PPARA: variants seen among roughly 807,000 people sequenced by gnomAD.
PPARA encodes peroxisome proliferator activated receptor alpha.
In PPARA, 22 loss-of-function variants were observed where a neutral mutation model predicts 42.2. The observed-to-expected ratio is 0.52, with a 90% CI of 0.37 to 0.74. The LOEUF (loss-of-function observed/expected upper bound fraction) is 0.74. Ranked by LOEUF, PPARA falls within the 30% of genes least tolerant of loss-of-function variation. The pLI is 0.00. For missense variants in PPARA, 465 were observed against 608.2 expected, an observed-to-expected ratio of 0.76 and a Z score of 2.48; for synonymous variants, 242 against 239.3, an observed-to-expected ratio of 1.01 and a Z score of -0.10.
chr22:46,181,101 G>T (rs1216443107), intron 3 of PPARA, among the ~76,000 whole-genome samples: 3 of 152,260 alleles, frequency 2.0e-5, no homozygotes, highest in African/African-American at 7.2e-5. Flanking sequence ...GTAGCTCACT[G>T]ATTCAGATGA....
At chr22:46,157,480 T>C (rs1276954770) in intron 2 of PPARA, among the ~76,000 whole-genome samples, 5 of 152,164 alleles carry the variant, frequency 3.3e-5, no homozygotes, top group Admixed American at 6.5e-5. Flanking sequence ...CCTCCAGATG[T>C]CCAATATGTA....
At position 46,231,930 on chromosome 22, in the gene PPARA, G is replaced by A. The variant is rs1329872038; in HGVS notation, c.850G>A (p.Val284Ile). ...HCCQCTSVETVTELTEFAKAI... is the reference protein window; with the variant it reads ...HCCQCTSVETITELTEFAKAI... ...CTGCCAGTGCACGTCAGTGGAGACC[G>A]TCACGGAGCTCACGGAATTCGCCAA... Residue 284 changes from valine (V) to isoleucine (I), a missense_variant, in exon 8 of 9, where the codon GTC becomes ATC. Transcript: ENST00000407236. The surrounding 1 kb of genome is among the most constrained non-coding windows in gnomAD (Gnocchi z 7.7). The A allele has an allele frequency of 6.8e-6, 11 of 1,614,138 alleles. No homozygotes were observed. Among genetic ancestry groups the A allele is most frequent in the East Asian group, 2.2e-5 (1 of 44,902 alleles).
chr22:46,162,031 G>T lies in PPARA; in HGVS notation c.-127+10061G>T, dbSNP rs991679082. 6.6e-6 allele frequency among the ~76,000 whole-genome samples: 1 copy of T among 152,032 alleles called. No individual in the cohort carries two copies. ...TCCCCTCACCCTGGCGACCCTTTTCGGTCTCAGTTGCCAGCCTCCTGCTAG... is the reference window on the plus strand; with the variant it reads ...TCCCCTCACCCTGGCGACCCTTTTCTGTCTCAGTTGCCAGCCTCCTGCTAG... On this transcript the variant is annotated intron_variant, in intron 2 of 8. Transcript: ENST00000407236. This position sits in a 1 kb window ranked among gnomAD's most constrained non-coding sequence, Gnocchi z 6.0.
At chr22:46,208,682 T>C (rs1361557600) in intron 4 of PPARA, among the ~76,000 whole-genome samples, 1 of 152,186 alleles carries the variant, frequency 6.6e-6, no homozygotes, top group Admixed American at 6.6e-5. Context: ...TTTTTCCTTT[T>C]GACCAACATC....
intron 2 of PPARA, among the ~76,000 whole-genome samples, chr22:46,175,525 A>G (rs1928902246): frequency 6.6e-6 from 1 of 151,886 alleles, no homozygotes; most frequent in Non-Finnish European, 1.5e-5. Flanking sequence ...CATCCTGGCT[A>G]ACATGGTGAA....
Position 46,215,294 on chromosome 22 carries a change from A to G in PPARA, c.330A>G (p.Ser110=), listed in dbSNP as rs767902143. ...IECRICGDKA[S]GYHYGVHACE... ...GTAGAATCTGCGGGGACAAGGCCTC[A>G]GGCTATCATTACGGAGTCCACGCGT... Residue 110 remains serine, a synonymous_variant, in exon 5 of 9, where the codon TCA becomes TCG. Coordinates refer to ENST00000407236, the MANE Select transcript of PPARA (RefSeq NM_005036.6). The G allele has an allele frequency of 3.1e-6, 5 of 1,614,174 alleles. No homozygotes were observed. In the South Asian group the frequency reaches 3.3e-5, roughly 11 times the overall value.
intron 4 of PPARA, among the ~76,000 whole-genome samples, chr22:46,213,365 G>A (rs145384651): frequency 1.3e-4 from 20 of 151,072 alleles, no homozygotes; most frequent in Non-Finnish European, 2.2e-4. Flanking sequence ...TTGCTGAAGT[G>A]ACTGTTCAGA....
In PPARA at chr22:46,198,458, A is replaced by G. The variant is rs1427293285; in HGVS notation, c.75A>G (p.Glu25=). The G allele has an allele frequency of 2.5e-6, 4 of 1,613,828 alleles. No individual in the cohort carries two copies. The highest frequency in any genetic ancestry group is 3.4e-6 in the Non-Finnish European group (4 of 1,179,920). Residue 25 remains glutamate (E), a synonymous_variant, in exon 4 of 9, where the codon GAA becomes GAG. Coordinates refer to ENST00000407236, the MANE Select transcript of PPARA (RefSeq NM_005036.6). ...GCGATCTAGAGAGCCCGTTATCTGA[A>G]GAGTTCCTGCAAGAAATGGGAAACA... The part of the protein sequence containing the change: ...EAGDLESPLS[E]EFLQEMGNIQ...
At position 46,180,606 on chromosome 22, in the gene PPARA, C is replaced by T. The variant is rs979084046; in HGVS notation, c.-43+3770C>T. Among the ~76,000 whole-genome samples, 3 of 151,638 alleles carry T rather than the reference C, an allele frequency of 2.0e-5. No homozygotes were observed. Among genetic ancestry groups the T allele is most frequent in the African/African-American group, 7.3e-5 (3 of 40,924 alleles). ...CAAGAATATCACAAGATGATAACGGCCTTTATTCTCACTTCTGTATGCCTG... is the reference window on the plus strand; with the variant it reads ...CAAGAATATCACAAGATGATAACGGTCTTTATTCTCACTTCTGTATGCCTG... On this transcript the variant is annotated intron_variant, in intron 3 of 8. Transcript: ENST00000407236. The surrounding 1 kb of genome is among the most constrained non-coding windows in gnomAD (Gnocchi z 4.2).
rs992016785 is a variant in PPARA at position 46,160,905 on chromosome 22, T to A, written c.-127+8935T>A. ...ATTCATGATGTCCAGCCCAGTATTT[T>A]TCTTTCACTCTGGAAACCAAAAATT... On this transcript the variant is annotated intron_variant, in intron 2 of 8. Transcript: ENST00000407236. This position sits in a 1 kb window ranked among gnomAD's most constrained non-coding sequence, Gnocchi z 4.5. Among the ~76,000 whole-genome samples the A allele has an allele frequency of 6.6e-6, 1 of 152,230 alleles. No homozygotes were observed. Among genetic ancestry groups the A allele is most frequent in the African/African-American group, 2.4e-5 (1 of 41,456 alleles).
At chr22:46,226,039 A>G (rs1935418416) in intron 7 of PPARA, among the ~76,000 whole-genome samples, 1 of 151,768 alleles carries the variant, frequency 6.6e-6, no homozygotes, top group Non-Finnish European at 1.5e-5. Context: ...ATACACACAC[A>G]CACTTACAAA....
chr22:46,152,132 A>ATTTTTTT (rs780789203), intron 2 of PPARA, among the ~76,000 whole-genome samples, 162 bp downstream of exon 2: 12 of 104,678 alleles, frequency 1.1e-4, no homozygotes, highest in East Asian at 5.7e-4. Flanking sequence ...GCATGGATTC[A>ATTTTTTT]TTTTTTTTTT....
chr22:46,185,999 G>A (rs2147294934), intron 3 of PPARA, among the ~76,000 whole-genome samples: 1 of 116,226 alleles, frequency 8.6e-6, no homozygotes, highest in African/African-American at 3.2e-5. Context: ...TAGGACTATT[G>A]CAGAAGGGAT....
In PPARA at chr22:46,219,117, G is replaced by A. The variant is rs1025973266; in HGVS notation, c.509-695G>A. On this transcript the variant is annotated intron_variant, in intron 6 of 8. Transcript: ENST00000407236. The surrounding 1 kb of genome is among the most constrained non-coding windows in gnomAD (Gnocchi z 4.8). The stretch of plus-strand genomic sequence containing the variant: ...GCGGAGGTTGCAGTGAGCTGAGATC[G>A]CACCACTGCACTCCAGCCTGGGCGA... Among the ~76,000 whole-genome samples the A allele has an allele frequency of 1.8e-4, 27 of 151,554 alleles. No homozygotes were observed. Among genetic ancestry groups the A allele is most frequent in the African/African-American group, 1.7e-4 (7 of 41,190 alleles).
chr22:46,202,304 A>G (rs865866169), intron 4 of PPARA, among the ~76,000 whole-genome samples: 3 of 152,212 alleles, frequency 2.0e-5, no homozygotes, highest in Non-Finnish European at 4.4e-5. Flanking sequence ...ATAATCTAAA[A>G]TGTATTTTTA....
intron 4 of PPARA, among the ~76,000 whole-genome samples, chr22:46,213,366 A>C (rs528889164): frequency 6.6e-4 from 98 of 148,720 alleles, no homozygotes; most frequent in African/African-American, 2.4e-3. Context: ...TGCTGAAGTG[A>C]CTGTTCAGAT....
Position 46,216,818 on chromosome 22 carries a change from A to T in PPARA, c.370-1445A>T, listed in dbSNP as rs567676593. ...CCCTTCCGTGTTTGTCAGCGTGGTG[A>T]TGAGGAGAGCTCCTGTAGCAGCGTC... On this transcript the variant is annotated intron_variant, in intron 5 of 8. Coordinates refer to ENST00000407236, the MANE Select transcript of PPARA (RefSeq NM_005036.6). This position sits in a 1 kb window ranked among gnomAD's most constrained non-coding sequence, Gnocchi z 4.5. Among the ~76,000 whole-genome samples, 43 of 152,290 alleles carry T rather than the reference A, an allele frequency of 2.8e-4. No homozygotes were observed. Among genetic ancestry groups the T allele is most frequent in the African/African-American group, 1.0e-3 (42 of 41,560 alleles).
At chr22:46,201,145 T>C (rs1032544225) in intron 4 of PPARA, among the ~76,000 whole-genome samples, 1 of 141,042 alleles carries the variant, frequency 7.1e-6, no homozygotes, top group African/African-American at 2.7e-5. Flanking sequence ...AAAAAAAAAG[T>C]AAGTAACCTG....
chr22:46,220,282 A>C, intron 7 of PPARA: 1 of 474,094 alleles, frequency 2.1e-6, no homozygotes, highest in Non-Finnish European at 3.8e-6. Flanking sequence ...AAAAACCTTA[A>C]TAGCTTACCA....
Sources: gnomAD v4.1 joint callset for allele counts (sites outside exome capture counted in the v4.1 genomes callset) on GRCh38, gnomAD v4.1.1 for gene constraint, Gnocchi (gnomAD v3.1) non-coding constraint, MANE v1.5 for transcripts, NCBI Gene and HGNC (gene_info 2026-07-23, HGNC 2026-07-21) for gene names.